The following HADHA variants were observed in gnomAD, a reference collection of about 807,000 sequenced individuals.
HADHA encodes the protein trifunctional enzyme subunit alpha, mitochondrial.
In HADHA, 59 loss-of-function variants were observed where a neutral mutation model predicts 91.3. That is an observed-to-expected ratio of 0.65 (90% CI 0.52 to 0.80). HADHA has a LOEUF of 0.80. Ranked by LOEUF, HADHA falls within the 30% of genes least tolerant of loss-of-function variation. The probability of loss-of-function intolerance (pLI) is 0.00; values close to 1 mark genes in which losing one functional copy is unlikely to be tolerated. For synonymous variants in HADHA, 320 were observed against 338.9 expected (o/e 0.94, Z 0.61); for missense variants, 800 against 927.6 (o/e 0.86, Z 1.79).
At chr2:26,201,547 A>G (rs1669834942) in intron 12 of HADHA, among the ~76,000 whole-genome samples, 1 of 152,230 alleles carries the variant, frequency 6.6e-6, no homozygotes, top group Non-Finnish European at 1.5e-5. Flanking sequence ...ACTCCCAAGT[A>G]CACATTCTTT....
intron 11 of HADHA, among the ~76,000 whole-genome samples, chr2:26,207,720 T>G (rs1670004831): frequency 6.6e-6 from 1 of 152,196 alleles, no homozygotes; most frequent in African/African-American, 2.4e-5. Context: ...AATGTTGTGA[T>G]TTGAGGAATG....
chr2:26,206,778 G>A (rs983521372), intron 11 of HADHA, among the ~76,000 whole-genome samples: 1 of 152,098 alleles, frequency 6.6e-6, no homozygotes, highest in Admixed American at 6.6e-5. Flanking sequence ...CCAGTAATTC[G>A]TCAACAGGGG....
Position 26,197,921 on chromosome 2 carries a change from T to C in HADHA, c.1393-144A>G, listed in dbSNP as rs184023842. On this transcript the variant is annotated intron_variant, in intron 13 of 19. Coordinates refer to ENST00000380649, the MANE Select transcript of HADHA (RefSeq NM_000182.5). ...ACAGTAGATGTCACTCACCCAGACA[T>C]TGACGGATCACCTAGGGGGTTTTGT... 737 of 710,214 alleles carry C rather than the reference T, an allele frequency of 1.0e-3. 2 individuals are homozygous for C. Among genetic ancestry groups the C allele is most frequent in the East Asian group, 2.6e-3 (97 of 37,852 alleles). The allele number at this position is 710,214 out of a possible 1,614,324, so 44.0% of individuals were successfully genotyped here. A position where few individuals can be genotyped will look rare whatever the true frequency, so the allele number is the denominator to read the frequency against.
chr2:26,231,863 G>C (rs1670631204), intron 6 of HADHA, among the ~76,000 whole-genome samples: 1 of 151,884 alleles, frequency 6.6e-6, no homozygotes, highest in Non-Finnish European at 1.5e-5. Flanking sequence ...CAGCTACTGG[G>C]GAGGCTGAGG....
intron 7 of HADHA, among the ~76,000 whole-genome samples, chr2:26,223,757 AT>A (rs1302525071): frequency 6.6e-6 from 1 of 151,748 alleles, no homozygotes; most frequent in Non-Finnish European, 1.5e-5. Flanking sequence ...TTATTTATTT[AT>A]TTTTTTGAGA....
intron 5 of HADHA, among the ~76,000 whole-genome samples, chr2:26,233,374 A>G (rs1217972018): frequency 1.3e-5 from 2 of 152,242 alleles, no homozygotes; most frequent in Non-Finnish European, 2.9e-5. Flanking sequence ...TGTATGTGCA[A>G]TTGGTCATTG....
chr2:26,232,265 G>C lies in HADHA; in HGVS notation c.468C>G (p.Cys156Trp). ...TGTCTTTTGTTGCTATTCTGTATTGGCATGAAATGGCAACCTTTGAACAAA... is the reference window on the plus strand; with the variant it reads ...TGTCTTTTGTTGCTATTCTGTATTGCCATGAAATGGCAACCTTTGAACAAA... Reference protein sequence around the residue: ...LGGGLEVAISCQYRIATKDRK... With the variant: ...LGGGLEVAISWQYRIATKDRK... Residue 156 changes from cysteine (C) to tryptophan (W), a missense_variant, in exon 6 of 20, where the codon TGC becomes TGG. Transcript: ENST00000380649. The C allele has an allele frequency of 6.3e-7, 1 of 1,599,624 alleles. No individual in the cohort carries two copies. The highest frequency in any genetic ancestry group is 8.6e-7 in the Non-Finnish European group (1 of 1,166,862).
At chr2:26,202,433 A>G (rs1185932768) in intron 12 of HADHA, among the ~76,000 whole-genome samples, 2 of 152,144 alleles carry the variant, frequency 1.3e-5, no homozygotes, top group East Asian at 3.9e-4. Context: ...GATAAATACA[A>G]AGGAGTATTC....
intron 7 of HADHA, among the ~76,000 whole-genome samples, chr2:26,228,274 G>A (rs542316375): frequency 7.2e-5 from 11 of 152,120 alleles, no homozygotes; most frequent in African/African-American, 1.9e-4. Flanking sequence ...GGGACCACAG[G>A]TGCACACCAC....
intron 7 of HADHA, among the ~76,000 whole-genome samples, chr2:26,223,280 T>A (rs905448241): frequency 5.9e-5 from 9 of 152,196 alleles, no homozygotes; most frequent in African/African-American, 2.2e-4. Context: ...ATTAGGTTGC[T>A]ACTATACAAC....
chr2:26,191,401 T>C lies in HADHA; in HGVS notation c.2147-6A>G, dbSNP rs1387891246. The C allele has an allele frequency of 1.2e-6, 2 of 1,613,986 alleles. No individual in the cohort carries two copies. Among genetic ancestry groups the C allele is most frequent in the Non-Finnish European group, 1.7e-6 (2 of 1,180,044 alleles). ...ATCCACAAAGCGGAAAGGCCCTGAATAGAGAAAGAGGACTTCGTTGAAGGA... is the reference window on the plus strand; with the variant it reads ...ATCCACAAAGCGGAAAGGCCCTGAACAGAGAAAGAGGACTTCGTTGAAGGA... On this transcript the variant is annotated splice_region_variant and splice_polypyrimidine_tract_variant and intron_variant, in intron 19 of 19. Transcript: ENST00000380649.
Position 26,194,562 on chromosome 2 carries a change from A to G in HADHA, c.1689+8T>C, listed in dbSNP as rs576886917. ...GATGCCGCAAACACTCTGGAGAGCAATACCAACCTGGAGGATTCGGATGAC... is the reference window on the plus strand; with the variant it reads ...GATGCCGCAAACACTCTGGAGAGCAGTACCAACCTGGAGGATTCGGATGAC... On this transcript the variant is annotated splice_region_variant and intron_variant, in intron 16 of 19. Coordinates refer to ENST00000380649, the MANE Select transcript of HADHA (RefSeq NM_000182.5). The G allele has an allele frequency of 1.9e-5, 30 of 1,581,386 alleles. No individual in the cohort carries two copies. In the South Asian group the frequency reaches 2.0e-4, roughly 10 times the overall value.
chr2:26,216,092 AC>A (rs929084741), intron 7 of HADHA, among the ~76,000 whole-genome samples: 3 of 152,154 alleles, frequency 2.0e-5, no homozygotes, highest in African/African-American at 7.2e-5. Context: ...ACATAGTGAG[AC>A]CCCACCTCTA....
At position 26,193,595 on chromosome 2, in the gene HADHA, C is replaced by T. The variant is rs757001811; in HGVS notation, c.1867G>A (p.Val623Met). The T allele has an allele frequency of 9.9e-6, 16 of 1,613,796 alleles. No individual in the cohort carries two copies. The highest frequency in any genetic ancestry group is 2.2e-5 in the East Asian group (1 of 44,880). The change falls in exon 17 of 20, where the codon GTG (valine) becomes ATG (methionine). Residue 623 changes from valine to methionine, a missense_variant. Transcript: ENST00000380649. ...TACTCACCTAGGAAGCCCTTGGACA[C>T]CATCTGTGTCAGCAGTTCTGGGTTT... ...GGNPELLTQM[V>M]SKGFLGRKSG...
At chr2:26,191,724 G>T (rs1482641357) in intron 18 of HADHA, 96 bp from the exon 19 acceptor site, 4 of 1,238,722 alleles carry the variant, frequency 3.2e-6, no homozygotes, top group East Asian at 4.6e-5. Context: ...GGGTGCATGG[G>T]GAGCTCTGTG....
intron 10 of HADHA, among the ~76,000 whole-genome samples, chr2:26,211,467 G>T (rs1670099313): frequency 6.6e-6 from 1 of 152,072 alleles, no homozygotes; most frequent in African/African-American, 2.4e-5. Context: ...GTTATGAGCT[G>T]CAGTCAAAAC....
chr2:26,195,337 A>G (rs1406491585), intron 14 of HADHA, 105 bp from the exon 15 acceptor site: 10 of 968,786 alleles, frequency 1.0e-5, no homozygotes, highest in Non-Finnish European at 1.7e-5. Context: ...TGGCTGTGAT[A>G]TAGGAATACT....
Position 26,195,132 on chromosome 2 carries a change from G to A in HADHA, c.1580C>T (p.Ala527Val). 1.2e-6 allele frequency: 2 copies of A among 1,612,326 alleles called. No individual in the cohort carries two copies. The highest frequency in any genetic ancestry group is 1.7e-6 in the Non-Finnish European group (2 of 1,178,574). ...GACCTTCCCCTGCTTGAGACCAACT[G>A]CTACAGCTGAAGCACTGGTGTCTTT... Reference protein sequence around the residue: ...TSKDTSASAVAVGLKQGKVII... With the variant: ...TSKDTSASAVVVGLKQGKVII... The change falls in exon 15 of 20, where the codon GCA (alanine) becomes GTA (valine). Residue 527 changes from alanine (A) to valine (V), a missense_variant. Ala to Val is a moderately conservative substitution (Grantham distance 64). Coordinates refer to ENST00000380649, the MANE Select transcript of HADHA (RefSeq NM_000182.5).
chr2:26,241,755 C>A (rs1670897548), intron 1 of HADHA, among the ~76,000 whole-genome samples: 2 of 152,122 alleles, frequency 1.3e-5, no homozygotes, highest in Non-Finnish European at 2.9e-5. Context: ...TACCTATTTA[C>A]TACTAAATAC....
Sources: gnomAD v4.1 joint callset for allele counts (sites outside exome capture counted in the v4.1 genomes callset) on GRCh38, gnomAD v4.1.1 for gene constraint, MANE v1.5 for transcripts, NCBI Gene and HGNC (gene_info 2026-07-23, HGNC 2026-07-21) for gene names.